Variants in RORA observed in about 807,000 individuals in gnomAD.
The protein encoded by RORA is RAR related orphan receptor A, also known as nuclear receptor ROR-alpha.
In RORA, 7 loss-of-function variants were observed where a neutral mutation model predicts 69.5. That is an observed-to-expected ratio of 0.10 (90% CI 0.06 to 0.19). The LOEUF is 0.19. RORA is among the 10% of genes least tolerant of loss of function. RORA has a pLI of 1.00. For synonymous variants in RORA, 261 were observed against 240.8 expected, an observed-to-expected ratio of 1.08 and a Z score of -0.78; for missense variants, 457 against 663.0, an observed-to-expected ratio of 0.69 and a Z score of 3.41.
At chr15:60,925,122 A>AAAATT (rs1320542087) in intron 1 of RORA, among the ~76,000 whole-genome samples, 2 of 150,972 alleles carry the variant, frequency 1.3e-5, no homozygotes, top group African/African-American at 4.9e-5. Flanking sequence ...AAAATAAAAT[A>AAAATT]AAATAAAATA....
At chr15:60,611,608 C>A (rs557459182) in intron 2 of RORA, among the ~76,000 whole-genome samples, 1 of 102,864 alleles carries the variant, frequency 9.7e-6, no homozygotes, top group East Asian at 3.1e-4. Flanking sequence ...CTTCTTTGCA[C>A]GAGGAGTCTA....
intron 1 of RORA, among the ~76,000 whole-genome samples, chr15:61,186,866 G>A (rs1196672763): frequency 6.6e-6 from 1 of 152,160 alleles, no homozygotes; most frequent in African/African-American, 2.4e-5. Context: ...TGGAGTCAGA[G>A]GTCAGAGGTA....
At chr15:61,139,883 TG>T (rs2079282183) in intron 1 of RORA, among the ~76,000 whole-genome samples, 1 of 152,194 alleles carries the variant, frequency 6.6e-6, no homozygotes, top group African/African-American at 2.4e-5. Flanking sequence ...CCCCTTGCCC[TG>T]GGTTTTCTTT....
At chr15:61,140,442 T>C (rs113148670) in intron 1 of RORA, among the ~76,000 whole-genome samples, 2 of 152,300 alleles carry the variant, frequency 1.3e-5, no homozygotes, top group African/African-American at 4.8e-5. Context: ...CTTCAACATA[T>C]ATTCTGTGAT....
chr15:61,034,879 G>A (rs1406371957), intron 1 of RORA, among the ~76,000 whole-genome samples: 4 of 149,264 alleles, frequency 2.7e-5, no homozygotes, highest in East Asian at 2.0e-4. Context: ...AATAAGCTAC[G>A]ATCAAGGAGG....
intron 2 of RORA, among the ~76,000 whole-genome samples, chr15:60,621,572 T>C (rs972061713): frequency 6.6e-6 from 1 of 152,178 alleles, no homozygotes; most frequent in Non-Finnish European, 1.5e-5. Flanking sequence ...CTAATTAGGC[T>C]ATGATGTACA....
chr15:60,798,686 A>G (rs2072533645), intron 1 of RORA, among the ~76,000 whole-genome samples: 1 of 152,064 alleles, frequency 6.6e-6, no homozygotes, highest in Non-Finnish European at 1.5e-5. Context: ...GCAGCATGGT[A>G]GCGGGGAGGG....
chr15:60,864,726 A>G (rs1416106684), intron 1 of RORA, among the ~76,000 whole-genome samples: 1 of 152,202 alleles, frequency 6.6e-6, no homozygotes, highest in Non-Finnish European at 1.5e-5. Context: ...TCCCTTATAG[A>G]TACATATGAA....
intron 2 of RORA, among the ~76,000 whole-genome samples, chr15:60,658,240 C>T (rs901263672): frequency 1.2e-4 from 18 of 151,954 alleles, no homozygotes; most frequent in Non-Finnish European, 2.2e-4. Context: ...ACCATCACGC[C>T]CAGCTAGTTT....
chr15:60,996,324 G>A (rs777385650), intron 1 of RORA, among the ~76,000 whole-genome samples: 5 of 152,028 alleles, frequency 3.3e-5, no homozygotes, highest in South Asian at 2.1e-4. Context: ...TGCCTGCCTC[G>A]GCCTCCCAAA....
At chr15:61,156,610 A>T (rs539949214) in intron 1 of RORA, among the ~76,000 whole-genome samples, 1 of 152,310 alleles carries the variant, frequency 6.6e-6, no homozygotes, top group Non-Finnish European at 1.5e-5. Context: ...AAGCACTCTG[A>T]GAAGGAGGAA....
intron 1 of RORA, among the ~76,000 whole-genome samples, chr15:60,997,039 TTGTGTG>T (rs10687177): frequency 6.7e-6 from 1 of 148,332 alleles, no homozygotes; most frequent in Non-Finnish European, 1.5e-5. Context: ...ATATTGGGGT[TTGTGTG>T]TGTGTGTGTG....
intron 1 of RORA, among the ~76,000 whole-genome samples, chr15:61,040,697 A>C (rs1896720134): frequency 1.3e-5 from 2 of 152,150 alleles, no homozygotes; most frequent in Non-Finnish European, 2.9e-5. Context: ...AAAGCACTTA[A>C]AAATATTCAT....
At chr15:60,700,541 C>T (rs1349889043) in intron 1 of RORA, among the ~76,000 whole-genome samples, 3 of 151,674 alleles carry the variant, frequency 2.0e-5, no homozygotes, top group Admixed American at 6.6e-5. Flanking sequence ...TACTTCATGA[C>T]GGGGAAAGAA....
At chr15:60,509,500 C>T (rs373427499) in intron 5 of RORA, among the ~76,000 whole-genome samples, 1 of 152,190 alleles carries the variant, frequency 6.6e-6, no homozygotes, top group Non-Finnish European at 1.5e-5. Flanking sequence ...GGCCCCACTT[C>T]GGTATGAGTG....
In RORA at chr15:60,841,178, A is replaced by G; in HGVS notation, c.167-162492T>C. ...CCCACAGCTGACACAGCTTGGAGAA[A>G]GAACACACACCCATAGACTGCAAAC... On this transcript the variant is annotated intron_variant, in intron 1 of 10. Coordinates refer to ENST00000335670, the MANE Select transcript of RORA (RefSeq NM_134261.3). The G allele has an allele frequency of 9.7e-6, 6 of 619,798 alleles. No homozygotes were observed. In the South Asian group the frequency reaches 4.3e-4, roughly 44 times the overall value. The allele number at this position is 619,798 out of a possible 1,614,324, so 38.4% of individuals were successfully genotyped here. A position where few individuals can be genotyped will look rare whatever the true frequency, so the allele number is the denominator to read the frequency against.
At chr15:60,565,288 C>T (rs924152901) in intron 2 of RORA, among the ~76,000 whole-genome samples, 1 of 152,172 alleles carries the variant, frequency 6.6e-6, no homozygotes, top group African/African-American at 2.4e-5. Flanking sequence ...CAACTAGAAG[C>T]TCAAGTACCA....
At chr15:61,048,517 C>T (rs1239170236) in intron 1 of RORA, among the ~76,000 whole-genome samples, 1 of 152,192 alleles carries the variant, frequency 6.6e-6, no homozygotes, top group African/African-American at 2.4e-5. Flanking sequence ...TTTCCTTTTG[C>T]CCCACACCCC....
intron 1 of RORA, among the ~76,000 whole-genome samples, chr15:60,775,233 T>A (rs921800542): frequency 6.6e-6 from 1 of 152,148 alleles, no homozygotes; most frequent in Non-Finnish European, 1.5e-5. Context: ...CTGCAAAAGA[T>A]TAGATTCCCC....
Sources: allele counts gnomAD v4.1 joint callset (sites outside exome capture counted in the v4.1 genomes callset), GRCh38; gene constraint gnomAD v4.1.1; transcripts MANE v1.5; gene names NCBI Gene and HGNC (gene_info 2026-07-23, HGNC 2026-07-21).